Variants in GLI3 observed in about 807,000 individuals in gnomAD.
GLI3 encodes GLI family zinc finger 3, also known as transcription activator GLI3.
GLI3 carries 20 observed loss-of-function variants against 100.8 expected under a neutral mutation model. That is an observed-to-expected ratio of 0.20 (90% CI 0.14 to 0.29). The LOEUF is 0.29. GLI3 is among the 10% of genes least tolerant of loss of function. The pLI is 1.00. For missense variants in GLI3, 2,040 were observed against 2,128.5 expected (o/e 0.96, Z 0.82); for synonymous variants, 938 against 860.5 (o/e 1.09, Z -1.58).
At chr7:42,182,801 G>C (rs1787643463) in intron 2 of GLI3, among the ~76,000 whole-genome samples, 1 of 150,716 alleles carries the variant, frequency 6.6e-6, no homozygotes, top group Non-Finnish European at 1.5e-5. Flanking sequence ...GGCCAGGCGT[G>C]ATGGCTCATG....
chr7:42,054,786 T>C (rs557524452), intron 4 of GLI3, among the ~76,000 whole-genome samples: 1 of 151,924 alleles, frequency 6.6e-6, no homozygotes, highest in South Asian at 2.1e-4. Flanking sequence ...GAGTTCAAGA[T>C]CAATCTGAGC....
intron 2 of GLI3, among the ~76,000 whole-genome samples, chr7:42,181,625 C>G (rs9648519): frequency 0.13 from 19,410 of 152,024 alleles, 1,607 homozygotes; most frequent in Non-Finnish European, 0.18. Context: ...AAAAAAACAA[C>G]AAAAACAAAA....
chr7:42,059,297 TTTCTG>T (rs1173177014), intron 4 of GLI3, among the ~76,000 whole-genome samples: 1 of 151,912 alleles, frequency 6.6e-6, no homozygotes, highest in Non-Finnish European at 1.5e-5. Flanking sequence ...GGTATCCTTG[TTTCTG>T]CAATGTCTAA....
At chr7:42,112,899 G>A (rs1406757429) in intron 3 of GLI3, among the ~76,000 whole-genome samples, 3 of 152,172 alleles carry the variant, frequency 2.0e-5, no homozygotes, top group Non-Finnish European at 1.5e-5. Context: ...AGGGCCGGGT[G>A]TAGTGGCTCA....
chr7:41,984,451 TAA>T (rs1417004603), intron 10 of GLI3, among the ~76,000 whole-genome samples: 1 of 152,184 alleles, frequency 6.6e-6, no homozygotes, highest in Non-Finnish European at 1.5e-5. Context: ...TCTGGATCGA[TAA>T]GTGTCCTCCC....
intron 3 of GLI3, among the ~76,000 whole-genome samples, chr7:42,107,566 C>T (rs571505877): frequency 5.9e-5 from 9 of 152,130 alleles, no homozygotes; most frequent in African/African-American, 1.7e-4. Context: ...TGAGGGCAGG[C>T]GATGCAGAGG....
At chr7:42,064,107 G>C (rs373344375) in intron 4 of GLI3, among the ~76,000 whole-genome samples, 2 of 152,160 alleles carry the variant, frequency 1.3e-5, no homozygotes, top group East Asian at 1.9e-4. Context: ...AGTATAAAGA[G>C]TAATGAGGGA....
intron 12 of GLI3, 46 bp downstream of exon 12, chr7:41,977,512 T>C: frequency 6.3e-7 from 1 of 1,597,340 alleles, no homozygotes; most frequent in Non-Finnish European, 8.6e-7. Context: ...CCCGGGATAG[T>C]TCTTTGTTTC....
chr7:42,111,212 T>A (rs1785698302), intron 3 of GLI3, among the ~76,000 whole-genome samples: 1 of 152,214 alleles, frequency 6.6e-6, no homozygotes, highest in African/African-American at 2.4e-5. Flanking sequence ...AGAGTGAGAC[T>A]GGACTGAGGC....
chr7:42,182,674 A>ACATGTGTGTGTG (rs1787633277), intron 2 of GLI3, among the ~76,000 whole-genome samples: 1 of 60,702 alleles, frequency 1.6e-5, no homozygotes, highest in Admixed American at 1.6e-4. Context: ...ATATATATAT[A>ACATGTGTGTGTG]TATATATACA....
At chr7:42,257,528 T>A (rs917364192) in intron 1 of GLI3, among the ~76,000 whole-genome samples, 5 of 152,070 alleles carry the variant, frequency 3.3e-5, no homozygotes, top group African/African-American at 1.2e-4. Context: ...GTATTTTTAG[T>A]AGAGATGGGG....
intron 3 of GLI3, among the ~76,000 whole-genome samples, chr7:42,119,015 G>A (rs1239750718): frequency 6.6e-6 from 1 of 152,164 alleles, no homozygotes; most frequent in Non-Finnish European, 1.5e-5. Flanking sequence ...CTGCAACCTT[G>A]GAGGCAGCCA....
intron 2 of GLI3, among the ~76,000 whole-genome samples, chr7:42,211,038 A>G (rs1437977243): frequency 1.3e-5 from 2 of 152,242 alleles, no homozygotes; most frequent in African/African-American, 2.4e-5. Context: ...AGAGATTTAT[A>G]AGTATCTTTT....
chr7:42,234,580 T>C (rs1788753847), intron 1 of GLI3, among the ~76,000 whole-genome samples: 1 of 152,208 alleles, frequency 6.6e-6, no homozygotes, highest in African/African-American at 2.4e-5. Context: ...AATAGAAATG[T>C]GTTTATATCA....
chr7:42,131,496 G>T (rs1341047810), intron 3 of GLI3, among the ~76,000 whole-genome samples: 1 of 152,188 alleles, frequency 6.6e-6, no homozygotes, highest in East Asian at 1.9e-4. Context: ...AACACAGAAG[G>T]TTAGGTATGA....
upstream of GLI3, among the ~76,000 whole-genome samples, chr7:42,238,085 GCTC>G (rs1348786474): frequency 2.0e-5 from 3 of 146,394 alleles, no homozygotes; most frequent in Non-Finnish European, 4.5e-5. Flanking sequence ...ATTCATGCCT[GCTC>G]CTCCTCTTCC....
At chr7:42,041,764 T>G (rs1000743589) in intron 6 of GLI3, among the ~76,000 whole-genome samples, 2 of 152,230 alleles carry the variant, frequency 1.3e-5, no homozygotes, top group Admixed American at 6.5e-5. Context: ...TTTAATTAAA[T>G]GGGATAGATA....
At chr7:42,255,212 A>G (rs1789073280) in intron 1 of GLI3, among the ~76,000 whole-genome samples, 1 of 152,166 alleles carries the variant, frequency 6.6e-6, no homozygotes, top group South Asian at 2.1e-4. Flanking sequence ...AGATAAAAAA[A>G]TAAATGTATT....
chr7:42,011,928 T>C (rs1010523699), intron 10 of GLI3, among the ~76,000 whole-genome samples: 2 of 152,200 alleles, frequency 1.3e-5, no homozygotes, highest in Non-Finnish European at 2.9e-5. Context: ...CTATGTGATA[T>C]GTATTTTACT....
Sources: allele counts gnomAD v4.1 joint callset (sites outside exome capture counted in the v4.1 genomes callset), GRCh38; gene constraint gnomAD v4.1.1; transcripts MANE v1.5; gene names NCBI Gene and HGNC (gene_info 2026-07-23, HGNC 2026-07-21).